The following ASB15 variants were observed in gnomAD, a reference collection of about 807,000 sequenced individuals.
ASB15 encodes ankyrin repeat and SOCS box protein 15.
ASB15 carries 54 observed loss-of-function variants against 58.0 expected under a neutral mutation model. The observed-to-expected ratio is 0.93, with a 90% CI of 0.75 to 1.17. The LOEUF is 1.17. Ranked by LOEUF, ASB15 falls within the 50% of genes most tolerant of loss-of-function variation. ASB15 has a pLI of 0.00. For missense variants in ASB15, 680 were observed against 707.4 expected (o/e 0.96, Z 0.44); for synonymous variants, 249 against 262.4 (o/e 0.95, Z 0.50).
chr7:123,589,321 T>TATC (rs985421243), intron 1 of ASB15, among the ~76,000 whole-genome samples: 8 of 149,282 alleles, frequency 5.4e-5, no homozygotes, highest in African/African-American at 1.2e-4. Flanking sequence ...TTATTATTAT[T>TATC]ATCATTATTA....
rs1014476401 is a variant in ASB15, at chr7:123,616,110, G to T, written c.108-111G>T. 2.4e-5 allele frequency: 22 copies of T among 913,648 alleles called. No homozygotes were observed. The Middle Eastern group carries it at 9.8e-4, about 41-fold the overall frequency. 56.6% of individuals were successfully genotyped at this position (913,648 alleles called of 1,614,324 possible). On this transcript the variant is annotated intron_variant, in intron 4 of 11. Transcript: ENST00000451215. ...AAATCAATTATATGCATCTCCTTTG[G>T]ATCTTGATTATTAAAATTAAGTTTA...
intron 11 of ASB15, among the ~76,000 whole-genome samples, chr7:123,633,495 A>T (rs1282901345): frequency 1.3e-5 from 2 of 152,250 alleles, no homozygotes; most frequent in African/African-American, 4.8e-5. Flanking sequence ...GAAAATACAG[A>T]TGTAATAGAG....
In ASB15 at chr7:123,574,080, A is replaced by G. The variant is rs1379768125; in HGVS notation, c.-443+6992A>G. On this transcript the variant is annotated intron_variant, in intron 1 of 13. Transcript: ENST00000451558. Reference sequence around the variant, plus strand: ...AGTGATAGCAGTCTATTTCCACATGATTGTTAGCCTGTTAAATATCCCCTT... The same window carrying G: ...AGTGATAGCAGTCTATTTCCACATGGTTGTTAGCCTGTTAAATATCCCCTT... Among the ~76,000 whole-genome samples, 12 of 152,216 alleles carry G rather than the reference A, an allele frequency of 7.9e-5. No homozygotes were observed. In the East Asian group the frequency reaches 2.3e-3, roughly 29 times the overall value.
At chr7:123,611,958 G>T (rs2116484723) in intron 3 of ASB15, among the ~76,000 whole-genome samples, 1 of 149,464 alleles carries the variant, frequency 6.7e-6, no homozygotes, top group East Asian at 1.9e-4. Context: ...CTTCCTTTGT[G>T]ATAGTAGGAG....
intron 4 of ASB15, chr7:123,615,191 T>G (rs1189090708): frequency 1.3e-5 from 2 of 152,326 alleles, no homozygotes; most frequent in South Asian, 2.1e-4. Flanking sequence ...ATTAATAAAT[T>G]AAAATATACC....
At chr7:123,631,360 G>A (rs1802106010) in intron 11 of ASB15, among the ~76,000 whole-genome samples, 2 of 152,130 alleles carry the variant, frequency 1.3e-5, no homozygotes, top group African/African-American at 2.4e-5. Flanking sequence ...TAAAACTAAA[G>A]TATTAACATT....
chr7:123,612,159 T>C (rs549747657), intron 3 of ASB15: 55 of 152,278 alleles, frequency 3.6e-4, no homozygotes, highest in African/African-American at 1.3e-3. Context: ...ATCACCCCAG[T>C]AATATCACTG....
intron 11 of ASB15, among the ~76,000 whole-genome samples, chr7:123,634,686 A>G (rs1290320866): frequency 2.6e-5 from 4 of 152,274 alleles, no homozygotes; most frequent in Non-Finnish European, 5.9e-5. Context: ...CTGTGCCATT[A>G]GTAACTAAAG....
rs377260635 is a variant in ASB15, at chr7:123,624,118, T to C, written c.452-451T>C. ...AAACCTGATGAACATGATTTACATA[T>C]GAGGTTCCTGGGTCCTAGGAGTGAT... On this transcript the variant is annotated intron_variant, in intron 7 of 11. Coordinates refer to ENST00000451215, the MANE Select transcript of ASB15 (RefSeq NM_001290258.2). Among the ~76,000 whole-genome samples, 5 of 152,286 alleles carry C rather than the reference T, an allele frequency of 3.3e-5. 1 individual carries two copies. Among genetic ancestry groups the C allele is most frequent in the Non-Finnish European group, 2.9e-5 (2 of 68,018 alleles).
chr7:123,591,695 G>T (rs1220804888), intron 1 of ASB15, among the ~76,000 whole-genome samples: 2 of 152,110 alleles, frequency 1.3e-5, no homozygotes, highest in Non-Finnish European at 2.9e-5. Flanking sequence ...GCTGGATTCG[G>T]TTTGCCAGTG....
intron 7 of ASB15, among the ~76,000 whole-genome samples, chr7:123,619,821 C>A (rs928222906): frequency 5.3e-5 from 8 of 152,158 alleles, no homozygotes; most frequent in African/African-American, 1.9e-4. Context: ...CCGCTCCTGG[C>A]CCCTTCTTGC....
At chr7:123,576,838 A>G (rs748115198) in intron 1 of ASB15, among the ~76,000 whole-genome samples, 6 of 152,104 alleles carry the variant, frequency 3.9e-5, no homozygotes, top group Non-Finnish European at 5.9e-5. Flanking sequence ...TAGTCCTTGC[A>G]TTTCTTGCAG....
In ASB15 at chr7:123,604,360, T is replaced by A. The variant is rs182847201; in HGVS notation, c.-64+148T>A. ...ATTTTGGGAGGCCGATGGGGGAGAA[T>A]CACCTGAGGTCAGGAGTTCAAGACC... On this transcript the variant is annotated intron_variant, in intron 2 of 11. Transcript: ENST00000451215. 128 of 152,078 alleles carry A rather than the reference T, an allele frequency of 8.4e-4. 2 individuals are homozygous for A. The highest frequency in any genetic ancestry group is 2.9e-3 in the African/African-American group (122 of 41,476). The allele number at this position is 152,078 out of a possible 1,614,324, so 9.4% of individuals were successfully genotyped here.
At chr7:123,604,573 CTCTG>C (rs933051754) in intron 2 of ASB15, among the ~76,000 whole-genome samples, 10 of 143,566 alleles carry the variant, frequency 7.0e-5, no homozygotes, top group Non-Finnish European at 1.5e-4. Context: ...CAGAAGGAGA[CTCTG>C]TCTAAAAAAA....
chr7:123,580,888 G>A (rs568769198), intron 1 of ASB15, among the ~76,000 whole-genome samples: 1 of 152,096 alleles, frequency 6.6e-6, no homozygotes, highest in East Asian at 1.9e-4. Flanking sequence ...AGCTTGGTCA[G>A]AGACCGTTCG....
In ASB15 at chr7:123,581,595, C is replaced by T. The variant is rs967155127; in HGVS notation, c.-443+14507C>T. ...CATATTAGGTTTCTGAAAAGTCTTT[C>T]GGTTAAACTGATATACATCAAATTG... On this transcript the variant is annotated intron_variant, in intron 1 of 13. Transcript: ENST00000451558. 5.3e-5 allele frequency among the ~76,000 whole-genome samples: 8 copies of T among 151,878 alleles called. No homozygotes were observed. In the East Asian group the frequency reaches 5.8e-4, roughly 11 times the overall value.
intron 1 of ASB15, among the ~76,000 whole-genome samples, chr7:123,583,790 G>C (rs970727027): frequency 1.3e-5 from 2 of 151,870 alleles, no homozygotes; most frequent in Admixed American, 6.6e-5. Flanking sequence ...GCAAAGTAGA[G>C]GGGGGACAAG....
upstream of ASB15, among the ~76,000 whole-genome samples, chr7:123,599,844 T>C (rs1263567959): frequency 1.3e-5 from 2 of 152,204 alleles, no homozygotes; most frequent in African/African-American, 4.8e-5. Context: ...AGTATTCAAC[T>C]AGTCCTTCAC....
intron 1 of ASB15, among the ~76,000 whole-genome samples, chr7:123,596,808 A>T (rs1799707947): frequency 6.6e-6 from 1 of 152,242 alleles, no homozygotes; most frequent in Non-Finnish European, 1.5e-5. Flanking sequence ...AACAAAACAC[A>T]AATGCACATG....
Sources: allele counts gnomAD v4.1 joint callset (sites outside exome capture counted in the v4.1 genomes callset), GRCh38; gene constraint gnomAD v4.1.1; transcripts MANE v1.5; gene names NCBI Gene and HGNC (gene_info 2026-07-23, HGNC 2026-07-21).